The following GNRHR variants were observed in gnomAD, a reference collection of about 807,000 sequenced individuals.
GNRHR encodes the protein gonadotropin releasing hormone receptor, also known as gonadotropin-releasing hormone receptor.
A neutral mutation model predicts 28.1 loss-of-function variants in GNRHR; 14 were observed. The observed-to-expected ratio is 0.50, with a 90% CI of 0.33 to 0.78. The LOEUF (loss-of-function observed/expected upper bound fraction) is 0.78, where lower values mean the gene tolerates loss of function less well. Ranked by LOEUF, GNRHR falls within the 30% of genes least tolerant of loss-of-function variation. The probability of loss-of-function intolerance (pLI) is 0.02; values close to 1 mark genes in which losing one functional copy is unlikely to be tolerated. For synonymous variants in GNRHR, 141 were observed against 140.5 expected, an observed-to-expected ratio of 1.00 and a Z score of -0.02; for missense variants, 366 against 382.1, an observed-to-expected ratio of 0.96 and a Z score of 0.35.
At chr4:67,753,614 G>A (rs928249872) in intron 1 of GNRHR, 200 bp downstream of exon 1, 4 of 591,894 alleles carry the variant, frequency 6.8e-6, no homozygotes, top group Admixed American at 3.0e-5. Context: ...ACATTTTATC[G>A]GTAAAGGAAC....
At chr4:67,752,955 A>G (rs1481423804) in intron 1 of GNRHR, among the ~76,000 whole-genome samples, 1 of 152,220 alleles carries the variant, frequency 6.6e-6, no homozygotes, top group Non-Finnish European at 1.5e-5. Context: ...TAGTACATTT[A>G]AATGCAAGAG....
chr4:67,753,691 C>G, intron 1 of GNRHR, 123 bp downstream of exon 1: 1 of 841,144 alleles, frequency 1.2e-6, no homozygotes, highest in Non-Finnish European at 1.9e-6. Context: ...ACTTCACTCT[C>G]TGACTTCCAG....
At chr4:67,741,851 T>C (rs143587858) in intron 2 of GNRHR, among the ~76,000 whole-genome samples, 2,944 of 152,328 alleles carry the variant, frequency 0.019, 72 homozygotes, top group East Asian at 0.1. Context: ...TATATCTTCT[T>C]TTGAGAATTG....
Position 67,740,166 on chromosome 4 carries a change from T to C in GNRHR, c.*314A>G, listed in dbSNP as rs1016700929. On this transcript the variant is annotated 3_prime_UTR_variant, in exon 3 of 3. Transcript: ENST00000226413. ...GCATCCTTGTGCCTTAGGCTGAAGG[T>C]ATTTTAAATATTAGTACATTATTAT... The C allele has an allele frequency of 7.3e-6, 2 of 273,346 alleles. No individual in the cohort carries two copies. The highest frequency in any genetic ancestry group is 1.4e-5 in the Non-Finnish European group (2 of 141,768). The allele number at this position is 273,346 out of a possible 1,614,324, so 16.9% of individuals were successfully genotyped here.
chr4:67,753,984 T>C lies in GNRHR; in HGVS notation c.352A>G (p.Ser118Gly). Residue 118 changes from serine to glycine, a missense_variant, in exon 1 of 3, where the codon AGT becomes GGT. Ser to Gly is a moderately conservative substitution (Grantham distance 56). Coordinates refer to ENST00000226413, the MANE Select transcript of GNRHR (RefSeq NM_000406.3). ...YAGELLCKVL[S>G]YLKLFSMYAP... ...TACATGGAGAAAAGCTTTAGATAAC[T>C]GAGAACTTTGCAGAGTAACTCTCCA... 2 of 1,614,042 alleles carry C rather than the reference T, an allele frequency of 1.2e-6. No individual in the cohort carries two copies. The highest frequency in any genetic ancestry group is 1.7e-6 in the Non-Finnish European group (2 of 1,179,924).
At chr4:67,747,866 A>T (rs932164184) in intron 1 of GNRHR, among the ~76,000 whole-genome samples, 1 of 152,148 alleles carries the variant, frequency 6.6e-6, no homozygotes, top group Non-Finnish European at 1.5e-5. Flanking sequence ...AGATAGACCA[A>T]TAAATTTTAA....
rs1731627253 is a variant in GNRHR at position 67,740,005 on chromosome 4, T to C, written c.*475A>G. 6.6e-6 allele frequency: 1 copy of C among 152,508 alleles called. No homozygotes were observed. The allele number at this position is 152,508 out of a possible 1,614,324, so 9.4% of individuals were successfully genotyped here. On this transcript the variant is annotated 3_prime_UTR_variant, in exon 3 of 3. Coordinates refer to ENST00000226413, the MANE Select transcript of GNRHR (RefSeq NM_000406.3). The stretch of plus-strand genomic sequence containing the variant: ...TAACTATAGGAGGGAAAGTTGATAT[T>C]ATGGGCAAAGGGCTCTGTGCTCTAT...
At chr4:67,750,137 TGCTC>T (rs1289656680) in intron 1 of GNRHR, among the ~76,000 whole-genome samples, 1 of 152,198 alleles carries the variant, frequency 6.6e-6, no homozygotes, top group Non-Finnish European at 1.5e-5. Flanking sequence ...GTAAGTAATT[TGCTC>T]AGAGTCACAT....
At chr4:67,741,347 A>G (rs1731655621) in intron 2 of GNRHR, among the ~76,000 whole-genome samples, 2 of 152,090 alleles carry the variant, frequency 1.3e-5, no homozygotes, top group Non-Finnish European at 2.9e-5. Flanking sequence ...ATAGTCTCCA[A>G]TTCTATCCAG....
intron 1 of GNRHR, 42 bp from the exon 2 acceptor site, chr4:67,744,829 G>A (rs370396853): frequency 8.3e-7 from 1 of 1,202,938 alleles, no homozygotes; most frequent in African/African-American, 1.5e-5. Context: ...TTTTCCATAT[G>A]GTATTTGAAA....
At chr4:67,742,961 CTT>C (rs35957470) in intron 2 of GNRHR, among the ~76,000 whole-genome samples, 2 of 148,454 alleles carry the variant, frequency 1.3e-5, no homozygotes, top group Non-Finnish European at 3.0e-5. Context: ...ACATACTATT[CTT>C]TTTTTTTTTC....
At chr4:67,750,600 G>A (rs1731848043) in intron 1 of GNRHR, among the ~76,000 whole-genome samples, 1 of 152,016 alleles carries the variant, frequency 6.6e-6, no homozygotes, top group Non-Finnish European at 1.5e-5. Context: ...TGAGGAAAGT[G>A]GAAAATCTAG....
chr4:67,740,379 G>A lies in GNRHR; in HGVS notation c.*101C>T. On this transcript the variant is annotated 3_prime_UTR_variant, in exon 3 of 3. Transcript: ENST00000226413. Reference sequence around the variant, plus strand: ...ATAACTTAAGTGTAAATCCTACTTTGTTTGTATGTAAACATGCTCCAACAT... The same window carrying A: ...ATAACTTAAGTGTAAATCCTACTTTATTTGTATGTAAACATGCTCCAACAT... The A allele has an allele frequency of 3.4e-6, 3 of 887,496 alleles. No homozygotes were observed. The highest frequency in any genetic ancestry group is 5.6e-6 in the Non-Finnish European group (3 of 532,864). 55.0% of individuals were successfully genotyped at this position (887,496 alleles called of 1,614,324 possible).
chr4:67,746,289 A>T (rs183415898), intron 1 of GNRHR, among the ~76,000 whole-genome samples: 290 of 152,276 alleles, frequency 1.9e-3, no homozygotes, highest in Non-Finnish European at 3.4e-3. Context: ...GAAGGTATCC[A>T]GAAATATGTA....
chr4:67,751,869 A>AT (rs1731874956), intron 1 of GNRHR, among the ~76,000 whole-genome samples: 1 of 152,178 alleles, frequency 6.6e-6, no homozygotes, highest in Non-Finnish European at 1.5e-5. Flanking sequence ...AAAGCAAATG[A>AT]TTTTACTTCT....
chr4:67,741,346 A>C (rs1731655578), intron 2 of GNRHR, among the ~76,000 whole-genome samples: 1 of 152,146 alleles, frequency 6.6e-6, no homozygotes, highest in African/African-American at 2.4e-5. Context: ...AATAGTCTCC[A>C]ATTCTATCCA....
rs554410559 is a variant in GNRHR at position 67,737,125 on chromosome 4, A to G, written c.*3355T>C. ...ATAAAAGTCAGACAAACACACACAC[A>G]TATAACATTTATTATGTTTTCTCTT... On this transcript the variant is annotated 3_prime_UTR_variant, in exon 3 of 3. Transcript: ENST00000226413. Among the ~76,000 whole-genome samples the G allele has an allele frequency of 3.3e-5, 5 of 152,176 alleles. No individual in the cohort carries two copies. In the South Asian group the frequency reaches 6.2e-4, roughly 19 times the overall value.
intron 1 of GNRHR, 39 bp downstream of exon 1, chr4:67,753,775 G>A (rs766173734): frequency 7.2e-6 from 11 of 1,521,562 alleles, no homozygotes; most frequent in Non-Finnish European, 8.2e-6. Context: ...GGAAATCTAT[G>A]ATCACCATAT....
Position 67,744,652 on chromosome 4 carries a change from A to T in GNRHR, c.658T>A (p.Phe220Ile), listed in dbSNP as rs1325791478. 1 of 1,613,228 alleles carries T rather than the reference A, an allele frequency of 6.2e-7. No homozygotes were observed. Among genetic ancestry groups the T allele is most frequent in the African/African-American group, 1.3e-5 (1 of 74,940 alleles). ...FYNFFTFSCL[F>I]IIPLFIMLIC... ...AGCATGATGAAAAGAGGGATGATGA[A>T]GAGGCAGCTGAAGGTGAAAAAGTTA... Residue 220 changes from phenylalanine to isoleucine, a missense_variant, in exon 2 of 3, where the codon TTC becomes ATC. Phe to Ile is a conservative substitution (Grantham distance 21). Coordinates refer to ENST00000226413, the MANE Select transcript of GNRHR (RefSeq NM_000406.3).
Sources: allele counts gnomAD v4.1 joint callset (sites outside exome capture counted in the v4.1 genomes callset), GRCh38; gene constraint gnomAD v4.1.1; transcripts MANE v1.5; gene names NCBI Gene and HGNC (gene_info 2026-07-23, HGNC 2026-07-21).